Variants in HORMAD2 observed in about 807,000 individuals in gnomAD.
The protein encoded by HORMAD2 is HORMA domain-containing protein 2.
HORMAD2 carries 45 observed loss-of-function variants against 38.8 expected under a neutral mutation model. The ratio of observed to expected loss-of-function variants is 1.16; its 90% CI spans 0.91 to 1.49. The LOEUF is 1.49. Ranked by LOEUF, HORMAD2 falls within the 40% of genes most tolerant of loss-of-function variation. HORMAD2 has a pLI of 0.00. For missense variants in HORMAD2, 338 were observed against 367.0 expected (o/e 0.92, Z 0.65); for synonymous variants, 126 against 122.8 (o/e 1.03, Z -0.17).
intron 10 of HORMAD2, among the ~76,000 whole-genome samples, chr22:30,170,309 G>A (rs543071410): frequency 6.6e-6 from 1 of 152,104 alleles, no homozygotes; most frequent in African/African-American, 2.4e-5. Context: ...GCTGCCTGGG[G>A]CTGCCCTCTC....
intron 10 of HORMAD2, among the ~76,000 whole-genome samples, chr22:30,161,277 A>C (rs1456623553): frequency 6.6e-6 from 1 of 152,210 alleles, no homozygotes; most frequent in Non-Finnish European, 1.5e-5. Context: ...CTGTACTTAC[A>C]GTTATGCTAT....
chr22:30,131,206 C>T (rs1435956819), intron 10 of HORMAD2, among the ~76,000 whole-genome samples: 1 of 152,004 alleles, frequency 6.6e-6, no homozygotes, highest in Non-Finnish European at 1.5e-5. Flanking sequence ...AATAATTAAC[C>T]CAATCTCCTT....
rs5763839 is a variant in HORMAD2, at chr22:30,170,136, C to T, written c.820-5927C>T. ...ATGGAAATCTTTGATCTGGAAACTG[C>T]CAAATCCAAAGATTCTAGACATAAA... On this transcript the variant is annotated intron_variant, in intron 10 of 10. Transcript: ENST00000336726. Among the ~76,000 whole-genome samples, 482 of 152,214 alleles carry T rather than the reference C, an allele frequency of 3.2e-3. 19 individuals are homozygous for T. In the East Asian group the frequency reaches 0.085, roughly 27 times the overall value.
intron 10 of HORMAD2, among the ~76,000 whole-genome samples, chr22:30,172,082 G>T (rs1926144482): frequency 6.6e-6 from 1 of 152,100 alleles, no homozygotes; most frequent in East Asian, 1.9e-4. Context: ...TGAGGAGAGA[G>T]TGCATAGCTT....
At chr22:30,184,442 A>T in the HORMAD2 span, among the ~76,000 whole-genome samples, 1 of 152,314 alleles carries the variant, frequency 6.6e-6, no homozygotes, top group South Asian at 2.1e-4. Flanking sequence ...AGTTTTATTA[A>T]ATATAGATCA....
chr22:30,168,691 TC>T (rs1161686757), intron 10 of HORMAD2, among the ~76,000 whole-genome samples: 5 of 152,186 alleles, frequency 3.3e-5, no homozygotes, highest in Non-Finnish European at 7.3e-5. Context: ...ATGGTAGGGC[TC>T]AGGTTCAGGC....
intron 10 of HORMAD2, among the ~76,000 whole-genome samples, chr22:30,154,375 T>C (rs527914280): frequency 2.0e-5 from 3 of 152,238 alleles, no homozygotes; most frequent in Non-Finnish European, 4.4e-5. Context: ...ACACAAATCA[T>C]GTTTTATTTT....
At chr22:30,110,742 G>A (rs1332604439) in intron 5 of HORMAD2, among the ~76,000 whole-genome samples, 2 of 151,998 alleles carry the variant, frequency 1.3e-5, no homozygotes, top group Admixed American at 6.6e-5. Flanking sequence ...AAAAAGTACA[G>A]TTGACCTTTG....
chr22:30,140,818 T>C (rs1418786413), intron 10 of HORMAD2, among the ~76,000 whole-genome samples: 1 of 152,198 alleles, frequency 6.6e-6, no homozygotes, highest in Non-Finnish European at 1.5e-5. Context: ...CTGTGCTTGC[T>C]TTAGGTTTAG....
intron 10 of HORMAD2, among the ~76,000 whole-genome samples, chr22:30,129,771 T>C (rs953029605): frequency 6.6e-6 from 1 of 152,056 alleles, no homozygotes; most frequent in Non-Finnish European, 1.5e-5. Context: ...CAGCCTTCCA[T>C]GTACCTGAGA....
In HORMAD2 at chr22:30,160,294, G is replaced by A. The variant is rs868706565; in HGVS notation, c.820-15769G>A. ...GTTTTCTTTCATTTTCTTTAGTCAG[G>A]AGGAAAATATGTATTCTCTAGATGG... On this transcript the variant is annotated intron_variant, in intron 10 of 10. Coordinates refer to ENST00000336726, the MANE Select transcript of HORMAD2 (RefSeq NM_152510.4). 1.3e-4 allele frequency among the ~76,000 whole-genome samples: 20 copies of A among 151,816 alleles called. No individual in the cohort carries two copies. In the Middle Eastern group the frequency reaches 0.01, roughly 77 times the overall value.
At chr22:30,117,756 A>G (rs919343294) in intron 7 of HORMAD2, among the ~76,000 whole-genome samples, 32 of 152,184 alleles carry the variant, frequency 2.1e-4, no homozygotes, top group African/African-American at 6.8e-4. Context: ...TGATCTGCCA[A>G]AATGACCTCG....
At chr22:30,115,239 A>C (rs966282163) in intron 7 of HORMAD2, among the ~76,000 whole-genome samples, 3 of 151,994 alleles carry the variant, frequency 2.0e-5, no homozygotes, top group African/African-American at 7.3e-5. Context: ...CGATCCTCCA[A>C]CCTCAGCTTC....
the HORMAD2 span, among the ~76,000 whole-genome samples, chr22:30,199,489 C>T: frequency 6.6e-6 from 1 of 152,224 alleles, no homozygotes; most frequent in African/African-American, 2.4e-5. Context: ...GCCCCAGATT[C>T]TCAACATTTG....
At chr22:30,119,101 T>G in intron 8 of HORMAD2, 54 bp downstream of exon 8, 1 of 1,279,960 alleles carries the variant, frequency 7.8e-7, no homozygotes, top group South Asian at 1.3e-5. Context: ...GAGGTAAACA[T>G]AAGCTTCTTG....
intron 1 of HORMAD2, among the ~76,000 whole-genome samples, chr22:30,081,826 C>T (rs2068482377): frequency 6.6e-6 from 1 of 152,086 alleles, no homozygotes; most frequent in Non-Finnish European, 1.5e-5. Flanking sequence ...ACCTCGTGAT[C>T]CTCCCACCTC....
At chr22:30,105,841 A>G (rs1465148807) in intron 5 of HORMAD2, among the ~76,000 whole-genome samples, 3 of 152,020 alleles carry the variant, frequency 2.0e-5, no homozygotes, top group Non-Finnish European at 2.9e-5. Context: ...CCTCCCCATC[A>G]CCTTACAGTG....
intron 10 of HORMAD2, chr22:30,137,126 C>T: frequency 7.3e-6 from 3 of 409,058 alleles, no homozygotes; most frequent in Admixed American, 7.0e-5. Flanking sequence ...ATTTTTTAGC[C>T]ATGGAACACA....
chr22:30,136,887 G>A (rs971812405), intron 10 of HORMAD2: 6 of 442,548 alleles, frequency 1.4e-5, no homozygotes, highest in African/African-American at 2.1e-5. Context: ...GTCTTTTCCA[G>A]TGCTGTCTGG....
Sources: allele counts gnomAD v4.1 joint callset (sites outside exome capture counted in the v4.1 genomes callset), GRCh38; gene constraint gnomAD v4.1.1; transcripts MANE v1.5; gene names NCBI Gene and HGNC (gene_info 2026-07-23, HGNC 2026-07-21).